The following PCDH9 variants were observed in gnomAD, a reference collection of about 807,000 sequenced individuals.
PCDH9 encodes protocadherin-9.
A neutral mutation model predicts 70.6 loss-of-function variants in PCDH9; 24 were observed. The ratio of observed to expected loss-of-function variants is 0.34; its 90% CI spans 0.25 to 0.48. The LOEUF is 0.48. PCDH9 is among the 20% of genes least tolerant of loss of function. The pLI is 0.99. For synonymous variants in PCDH9, 562 were observed against 558.5 expected (o/e 1.01, Z -0.09); for missense variants, 1,281 against 1,503.6 (o/e 0.85, Z 2.45).
At chr13:66,521,237 T>C (rs1959971644) in intron 4 of PCDH9, among the ~76,000 whole-genome samples, 1 of 152,150 alleles carries the variant, frequency 6.6e-6, no homozygotes, top group Admixed American at 6.6e-5. Context: ...AATACAGTAT[T>C]AGCCTTTCCA....
chr13:66,832,872 T>A (rs192615106), intron 3 of PCDH9, among the ~76,000 whole-genome samples: 1 of 152,118 alleles, frequency 6.6e-6, no homozygotes, highest in East Asian at 1.9e-4. Flanking sequence ...TAATCATAAA[T>A]AGCACTGAAC....
chr13:66,454,550 A>G (rs952407586), intron 4 of PCDH9, among the ~76,000 whole-genome samples: 1 of 152,186 alleles, frequency 6.6e-6, no homozygotes, highest in African/African-American at 2.4e-5. Flanking sequence ...AAAGATATAT[A>G]TGAAAGGCTG....
intron 2 of PCDH9, among the ~76,000 whole-genome samples, chr13:66,914,184 AG>A (rs2082519402): frequency 6.6e-6 from 1 of 151,944 alleles, no homozygotes; most frequent in South Asian, 2.1e-4. Flanking sequence ...AAAGTATGCG[AG>A]AAACATGCTT....
At chr13:66,496,294 T>C (rs1226135452) in intron 4 of PCDH9, among the ~76,000 whole-genome samples, 3 of 152,166 alleles carry the variant, frequency 2.0e-5, no homozygotes, top group Non-Finnish European at 4.4e-5. Flanking sequence ...ATCGAAACTA[T>C]CCTCATATCT....
At chr13:66,474,552 A>C (rs1191475872) in intron 4 of PCDH9, among the ~76,000 whole-genome samples, 1 of 152,168 alleles carries the variant, frequency 6.6e-6, no homozygotes, top group African/African-American at 2.4e-5. Flanking sequence ...TAAACTAAAA[A>C]TCATTTAAAC....
At chr13:67,127,027 A>C (rs1275068895) in intron 2 of PCDH9, among the ~76,000 whole-genome samples, 2 of 152,276 alleles carry the variant, frequency 1.3e-5, no homozygotes, top group East Asian at 3.9e-4. Flanking sequence ...ACTATGTCTT[A>C]GGTGGGAAAC....
At chr13:66,719,405 G>A (rs906699408) in intron 3 of PCDH9, among the ~76,000 whole-genome samples, 3 of 152,148 alleles carry the variant, frequency 2.0e-5, no homozygotes, top group Admixed American at 2.0e-4. Flanking sequence ...GCCCTCATGA[G>A]TGAGATTAGT....
intron 4 of PCDH9, among the ~76,000 whole-genome samples, chr13:66,370,376 C>T (rs1039260106): frequency 6.6e-6 from 1 of 151,972 alleles, no homozygotes; most frequent in African/African-American, 2.4e-5. Context: ...CAGTACTTTC[C>T]CATTGTTTAC....
intron 3 of PCDH9, among the ~76,000 whole-genome samples, chr13:66,866,873 T>C (rs2139495392): frequency 6.6e-6 from 1 of 152,330 alleles, no homozygotes; most frequent in South Asian, 2.1e-4. Flanking sequence ...TAGAGAGATA[T>C]ATTTCTGACA....
At chr13:67,099,916 A>G (rs2086397144) in intron 2 of PCDH9, among the ~76,000 whole-genome samples, 3 of 152,224 alleles carry the variant, frequency 2.0e-5, no homozygotes. Context: ...ATGAAATATA[A>G]TAATGGGTCC....
At chr13:66,773,809 G>A (rs1363613866) in intron 3 of PCDH9, among the ~76,000 whole-genome samples, 1 of 149,632 alleles carries the variant, frequency 6.7e-6, no homozygotes, top group African/African-American at 2.5e-5. Flanking sequence ...ACGGAGCTTC[G>A]CTCTTGTCTC....
chr13:66,725,888 T>C (rs982556880), intron 3 of PCDH9, among the ~76,000 whole-genome samples: 1 of 152,220 alleles, frequency 6.6e-6, no homozygotes, highest in African/African-American at 2.4e-5. Context: ...TCCATTATTA[T>C]CACTTTTCTA....
chr13:66,402,592 T>C (rs2138298829), intron 4 of PCDH9, among the ~76,000 whole-genome samples: 1 of 152,296 alleles, frequency 6.6e-6, no homozygotes, highest in South Asian at 2.1e-4. Context: ...ATTGCCTTAA[T>C]GGATGCAGCA....
chr13:66,500,452 A>G (rs540545546), intron 4 of PCDH9, among the ~76,000 whole-genome samples: 62 of 152,208 alleles, frequency 4.1e-4, no homozygotes, highest in African/African-American at 1.4e-3. Context: ...TTTTTTTCTA[A>G]ATATGTAAGA....
chr13:66,423,458 C>G (rs1957608315), intron 4 of PCDH9, among the ~76,000 whole-genome samples: 1 of 152,054 alleles, frequency 6.6e-6, no homozygotes, highest in Non-Finnish European at 1.5e-5. Flanking sequence ...AATCCAGCAG[C>G]ATATTAAAAA....
intron 2 of PCDH9, among the ~76,000 whole-genome samples, chr13:67,172,224 G>T (rs1320928859): frequency 6.6e-6 from 1 of 152,108 alleles, no homozygotes; most frequent in Non-Finnish European, 1.5e-5. Flanking sequence ...TGTTCTCACG[G>T]CATCCCCTGG....
chr13:66,373,761 G>T (rs1466234379), intron 4 of PCDH9, among the ~76,000 whole-genome samples: 2 of 152,020 alleles, frequency 1.3e-5, no homozygotes, highest in Non-Finnish European at 2.9e-5. Context: ...TTAATTGTTG[G>T]ATCCTGTCAA....
chr13:66,564,235 G>A (rs1360355276), intron 4 of PCDH9, among the ~76,000 whole-genome samples: 1 of 152,038 alleles, frequency 6.6e-6, no homozygotes, highest in Non-Finnish European at 1.5e-5. Flanking sequence ...CATGATCACA[G>A]GTCACTGCAG....
At chr13:66,992,453 T>G (rs2084022695) in intron 2 of PCDH9, among the ~76,000 whole-genome samples, 1 of 152,160 alleles carries the variant, frequency 6.6e-6, no homozygotes, top group African/African-American at 2.4e-5. Flanking sequence ...CCAGCCTGAC[T>G]CCATCTAAAC....
Sources: gnomAD v4.1 joint callset for allele counts (sites outside exome capture counted in the v4.1 genomes callset) on GRCh38, gnomAD v4.1.1 for gene constraint, MANE v1.5 for transcripts, NCBI Gene and HGNC (gene_info 2026-07-23, HGNC 2026-07-21) for gene names.